AGBL1: variants seen among roughly 807,000 people sequenced by gnomAD.
AGBL1 encodes the protein AGBL carboxypeptidase 1, also known as cytosolic carboxypeptidase 4.
AGBL1 carries 130 observed loss-of-function variants against 118.9 expected under a neutral mutation model. The ratio of observed to expected loss-of-function variants is 1.09; its 90% CI spans 0.95 to 1.26. The LOEUF (loss-of-function observed/expected upper bound fraction) is 1.26. Ranked by LOEUF, AGBL1 falls within the 50% of genes most tolerant of loss-of-function variation. The pLI, the probability that AGBL1 is intolerant of heterozygous loss-of-function variation, is 0.00. For missense variants in AGBL1, 1,584 were observed against 1,298.1 expected (o/e 1.22, Z -3.38); for synonymous variants, 555 against 478.9 (o/e 1.16, Z -2.08).
At chr15:86,121,346 T>C (rs1898083462) in intron 1 of AGBL1, among the ~76,000 whole-genome samples, 2 of 152,232 alleles carry the variant, frequency 1.3e-5, no homozygotes. Context: ...GCCAAAAATA[T>C]ACACCAATGT....
chr15:86,658,655 C>T (rs970844425), intron 21 of AGBL1, among the ~76,000 whole-genome samples: 1 of 152,160 alleles, frequency 6.6e-6, no homozygotes, highest in Non-Finnish European at 1.5e-5. Flanking sequence ...ACATAGGTAT[C>T]AGCAACACTC....
At chr15:86,767,276 G>C (rs1303202636) in intron 22 of AGBL1, among the ~76,000 whole-genome samples, 1 of 151,938 alleles carries the variant, frequency 6.6e-6, no homozygotes, top group East Asian at 1.9e-4. Context: ...CAGGCATTCT[G>C]ATCATGTGTT....
chr15:86,132,047 A>C (rs1192696429), intron 1 of AGBL1, among the ~76,000 whole-genome samples: 5 of 152,178 alleles, frequency 3.3e-5, no homozygotes, highest in African/African-American at 1.2e-4. Flanking sequence ...CATCTCTGAA[A>C]ACAGCGCTTC....
At chr15:86,880,778 T>C (rs1442906400) in intron 22 of AGBL1, among the ~76,000 whole-genome samples, 1 of 152,052 alleles carries the variant, frequency 6.6e-6, no homozygotes, top group Admixed American at 6.6e-5. Flanking sequence ...TATATGCCTC[T>C]GTGTGTGTGT....
chr15:86,996,951 C>T (rs1253237705), intron 24 of AGBL1, among the ~76,000 whole-genome samples: 1 of 151,956 alleles, frequency 6.6e-6, no homozygotes, highest in Non-Finnish European at 1.5e-5. Context: ...TAAGAGACCA[C>T]CACAGAAAAT....
intron 21 of AGBL1, among the ~76,000 whole-genome samples, chr15:86,583,370 T>G (rs751211698): frequency 1.1e-4 from 16 of 152,112 alleles, no homozygotes; most frequent in African/African-American, 3.9e-4. Context: ...GTGTCTATTA[T>G]TGCCATATTT....
chr15:87,029,674 C>T (rs2081767045), downstream of AGBL1, among the ~76,000 whole-genome samples: 1 of 151,926 alleles, frequency 6.6e-6, no homozygotes, highest in South Asian at 2.1e-4. Flanking sequence ...AAGAGATAGT[C>T]TGTAGGGAAA....
At chr15:86,679,708 T>C (rs2085917426) in intron 22 of AGBL1, among the ~76,000 whole-genome samples, 1 of 152,108 alleles carries the variant, frequency 6.6e-6, no homozygotes, top group East Asian at 1.9e-4. Context: ...ATATTTGATA[T>C]CTTCTCCATT....
intron 19 of AGBL1, among the ~76,000 whole-genome samples, chr15:86,540,426 T>C (rs969720290): frequency 2.0e-5 from 3 of 152,092 alleles, no homozygotes; most frequent in African/African-American, 7.2e-5. Context: ...AAATGCTGTC[T>C]CTACTAAAAA....
At chr15:86,629,168 A>G (rs1393881615) in intron 21 of AGBL1, among the ~76,000 whole-genome samples, 1 of 152,148 alleles carries the variant, frequency 6.6e-6, no homozygotes, top group Non-Finnish European at 1.5e-5. Context: ...GGTAACCACC[A>G]TTCTACTTGG....
intron 22 of AGBL1, among the ~76,000 whole-genome samples, chr15:86,873,955 G>T (rs1370639930): frequency 3.3e-5 from 5 of 152,056 alleles, no homozygotes; most frequent in African/African-American, 1.2e-4. Flanking sequence ...GCAAGACCTA[G>T]GTTCAAAACT....
intron 21 of AGBL1, among the ~76,000 whole-genome samples, chr15:86,582,746 C>T (rs1191126857): frequency 2.6e-5 from 4 of 151,542 alleles, no homozygotes; most frequent in African/African-American, 9.7e-5. Context: ...TCATTCTCAG[C>T]AAACTATCGC....
intron 18 of AGBL1, among the ~76,000 whole-genome samples, chr15:86,492,551 C>T (rs548896165): frequency 1.3e-5 from 2 of 148,538 alleles, no homozygotes; most frequent in African/African-American, 2.5e-5. Flanking sequence ...GATCACACCA[C>T]TGGACTCCAG....
At chr15:86,351,877 C>T (rs1014898711) in intron 17 of AGBL1, among the ~76,000 whole-genome samples, 1 of 152,130 alleles carries the variant, frequency 6.6e-6, no homozygotes, top group African/African-American at 2.4e-5. Flanking sequence ...TTCCAGTTTA[C>T]CTAGTTTTGA....
At chr15:86,364,968 T>C (rs929996536) in intron 17 of AGBL1, among the ~76,000 whole-genome samples, 8 of 81,094 alleles carry the variant, frequency 9.9e-5, no homozygotes, top group African/African-American at 1.6e-4. Flanking sequence ...CATATATATA[T>C]ATATATATAT....
At chr15:87,026,040 G>C (rs1256238142) in intron 24 of AGBL1, among the ~76,000 whole-genome samples, 1 of 151,876 alleles carries the variant, frequency 6.6e-6, no homozygotes, top group African/African-American at 2.4e-5. Flanking sequence ...TATAAGACCT[G>C]AAAATTAAAA....
intron 5 of AGBL1, among the ~76,000 whole-genome samples, chr15:86,194,939 A>G (rs2077777615): frequency 6.6e-6 from 1 of 152,230 alleles, no homozygotes. Flanking sequence ...ATACTGTCTG[A>G]CAAGTTCTCT....
At chr15:86,701,757 TTCCCCTTCCTTTCACTCCTC>T (rs1308027435) in intron 22 of AGBL1, among the ~76,000 whole-genome samples, 1 of 141,276 alleles carries the variant, frequency 7.1e-6, no homozygotes, top group East Asian at 2.2e-4. Context: ...TTTCACTCCT[TTCCCCTTCCTTTCACTCCTC>T]TCCCCTCCCC....
At chr15:86,711,115 T>G (rs1302219107) in intron 22 of AGBL1, among the ~76,000 whole-genome samples, 3 of 152,146 alleles carry the variant, frequency 2.0e-5, no homozygotes, top group African/African-American at 7.2e-5. Context: ...CTGTCAAGAC[T>G]GTGGGTAATA....
Sources: gnomAD v4.1 joint callset for allele counts (sites outside exome capture counted in the v4.1 genomes callset) on GRCh38, gnomAD v4.1.1 for gene constraint, MANE v1.5 for transcripts, NCBI Gene and HGNC (gene_info 2026-07-23, HGNC 2026-07-21) for gene names.